The following CRACDL variants were observed in gnomAD, a reference collection of about 807,000 sequenced individuals.
CRACDL encodes CRACD like.
CRACDL carries 26 observed loss-of-function variants against 70.6 expected under a neutral mutation model. That is an observed-to-expected ratio of 0.37 (90% CI 0.27 to 0.51). The LOEUF is 0.51. Among genes scored for constraint, CRACDL ranks in the 20% least tolerant of loss-of-function variants. The pLI is 0.94. For missense variants in CRACDL, 1,283 were observed against 1,376.9 expected, an observed-to-expected ratio of 0.93 and a Z score of 1.08; for synonymous variants, 618 against 615.2, an observed-to-expected ratio of 1.00 and a Z score of -0.07.
intron 1 of CRACDL, among the ~76,000 whole-genome samples, chr2:98,918,772 T>C (rs1453146606): frequency 2.6e-5 from 4 of 152,306 alleles, no homozygotes; most frequent in Admixed American, 1.3e-4. Flanking sequence ...TTTGCCCATG[T>C]TTTAATGGGA....
chr2:98,882,416 G>C (rs1707676579), intron 1 of CRACDL, among the ~76,000 whole-genome samples: 2 of 152,246 alleles, frequency 1.3e-5, no homozygotes, highest in South Asian at 4.1e-4. Context: ...GTATGTGACT[G>C]GTTTCAGGCC....
intron 1 of CRACDL, among the ~76,000 whole-genome samples, chr2:98,893,878 A>C (rs892807269): frequency 4.6e-5 from 7 of 152,222 alleles, no homozygotes; most frequent in Non-Finnish European, 8.8e-5. Flanking sequence ...GATCGCATCC[A>C]CACGAACGCC....
chr2:98,798,431 G>C (rs574373448), intron 7 of CRACDL, among the ~76,000 whole-genome samples: 6 of 112,168 alleles, frequency 5.3e-5, no homozygotes, highest in Admixed American at 1.2e-4. Context: ...GCGACAGAGC[G>C]AGACTCCGTC....
At chr2:98,877,052 A>G (rs980357202) in intron 1 of CRACDL, among the ~76,000 whole-genome samples, 1 of 152,260 alleles carries the variant, frequency 6.6e-6, no homozygotes, top group African/African-American at 2.4e-5. Context: ...GAAATCAGTA[A>G]TCAATCACAG....
At chr2:98,869,341 G>T (rs896947644) in intron 1 of CRACDL, 1 of 1,113,782 alleles carries the variant, frequency 9.0e-7, no homozygotes, top group Non-Finnish European at 1.1e-6. Context: ...CTCCTTGGGC[G>T]GGTGCACAGG....
intron 2 of CRACDL, among the ~76,000 whole-genome samples, chr2:98,844,013 T>C (rs1438607546): frequency 6.6e-6 from 1 of 152,206 alleles, no homozygotes; most frequent in Non-Finnish European, 1.5e-5. Flanking sequence ...GACTTGGCTT[T>C]TTCCTAAATG....
intron 1 of CRACDL, among the ~76,000 whole-genome samples, chr2:98,866,879 A>G (rs1168323466): frequency 1.3e-5 from 2 of 152,088 alleles, no homozygotes; most frequent in Non-Finnish European, 2.9e-5. Context: ...ACAATGTCAC[A>G]TTTCTTTAGC....
chr2:98,866,475 CTTTTTT>C (rs1173322192), intron 1 of CRACDL, among the ~76,000 whole-genome samples: 27 of 43,260 alleles, frequency 6.2e-4, no homozygotes, highest in African/African-American at 2.3e-3. Context: ...ATCACTTCTT[CTTTTTT>C]TTTTTTTTTT....
chr2:98,890,560 C>A (rs1195366042), intron 1 of CRACDL, among the ~76,000 whole-genome samples: 2 of 152,222 alleles, frequency 1.3e-5, no homozygotes, highest in African/African-American at 2.4e-5. Context: ...ATAAATTCTA[C>A]TAAATGTTTA....
At chr2:98,836,151 T>G (rs1705770524) in intron 3 of CRACDL, among the ~76,000 whole-genome samples, 1 of 152,108 alleles carries the variant, frequency 6.6e-6, no homozygotes, top group Non-Finnish European at 1.5e-5. Context: ...AAGGAAATCG[T>G]TATAGATTAA....
At chr2:98,881,307 C>G (rs1420103094) in intron 1 of CRACDL, among the ~76,000 whole-genome samples, 2 of 152,150 alleles carry the variant, frequency 1.3e-5, no homozygotes, top group Non-Finnish European at 2.9e-5. Flanking sequence ...GGGAGCAGGT[C>G]GGAGATGCAG....
chr2:98,800,953 G>A (rs1382649799), intron 7 of CRACDL, among the ~76,000 whole-genome samples: 4 of 152,262 alleles, frequency 2.6e-5, no homozygotes, highest in East Asian at 1.9e-4. Flanking sequence ...TGTTTTAAGC[G>A]TGTGTCTGTG....
At chr2:98,854,657 TA>T (rs1454684987) in intron 1 of CRACDL, among the ~76,000 whole-genome samples, 1 of 152,168 alleles carries the variant, frequency 6.6e-6, no homozygotes, top group East Asian at 1.9e-4. Context: ...TCCCCTGCCT[TA>T]AACTTGGGCA....
intron 1 of CRACDL, among the ~76,000 whole-genome samples, chr2:98,915,328 G>A (rs571438429): frequency 3.6e-4 from 55 of 152,296 alleles, no homozygotes; most frequent in African/African-American, 1.3e-3. Flanking sequence ...GGAGCTGACC[G>A]GAGCAGGTAT....
chr2:98,900,565 G>A (rs1708252492), intron 1 of CRACDL, among the ~76,000 whole-genome samples: 2 of 152,160 alleles, frequency 1.3e-5, no homozygotes, highest in African/African-American at 4.8e-5. Flanking sequence ...AGGGGTGGGA[G>A]TAGGGCCTGT....
At chr2:98,806,216 T>C (rs780167673) in intron 7 of CRACDL, among the ~76,000 whole-genome samples, 17 of 152,208 alleles carry the variant, frequency 1.1e-4, no homozygotes, top group Non-Finnish European at 2.2e-4. Flanking sequence ...TTGGTTGTTG[T>C]CAGGGCCCCA....
intron 7 of CRACDL, among the ~76,000 whole-genome samples, chr2:98,820,060 C>T (rs1202881021): frequency 2.0e-5 from 3 of 151,346 alleles, no homozygotes; most frequent in African/African-American, 7.3e-5. Context: ...CCTTGTGATC[C>T]GCCTGCCTCG....
At chr2:98,912,322 G>A (rs1211469635) in intron 1 of CRACDL, among the ~76,000 whole-genome samples, 1 of 152,242 alleles carries the variant, frequency 6.6e-6, no homozygotes, top group Non-Finnish European at 1.5e-5. Context: ...CTGCCTGGGT[G>A]TGCTGGGGGT....
At chr2:98,935,123 C>A (rs962170065) in intron 1 of CRACDL, among the ~76,000 whole-genome samples, 2 of 152,202 alleles carry the variant, frequency 1.3e-5, no homozygotes, top group African/African-American at 2.4e-5. Context: ...ATGAAGGAAG[C>A]CTGCAGGCTC....
Sources: gnomAD v4.1 joint callset for allele counts (sites outside exome capture counted in the v4.1 genomes callset) on GRCh38, gnomAD v4.1.1 for gene constraint, MANE v1.5 for transcripts, NCBI Gene and HGNC (gene_info 2026-07-23, HGNC 2026-07-21) for gene names.